Variants in TRDN observed in about 807,000 individuals in gnomAD.
The protein encoded by TRDN is triadin, also known as triadin in skeletal muscle.
In TRDN, 161 loss-of-function variants were observed where a neutral mutation model predicts 149.7. The ratio of observed to expected loss-of-function variants is 1.08; its 90% CI spans 0.95 to 1.23. The LOEUF (loss-of-function observed/expected upper bound fraction) is 1.23, where lower values mean the gene tolerates loss of function less well. Ranked by LOEUF, TRDN falls within the 50% of genes most tolerant of loss-of-function variation. The pLI is 0.00. For missense variants in TRDN, 896 were observed against 823.5 expected (o/e 1.09, Z -1.08); for synonymous variants, 294 against 250.5 (o/e 1.17, Z -1.64).
At chr6:123,323,777 G>A (rs1779344973) in intron 23 of TRDN, among the ~76,000 whole-genome samples, 1 of 152,162 alleles carries the variant, frequency 6.6e-6, no homozygotes, top group African/African-American at 2.4e-5. Context: ...TTTGTCTTTT[G>A]TATATGCTAA....
chr6:123,419,177 T>C (rs916707957), intron 12 of TRDN, among the ~76,000 whole-genome samples: 1 of 152,012 alleles, frequency 6.6e-6, no homozygotes, highest in Admixed American at 6.6e-5. Context: ...ATCCCCGCAC[T>C]GTTAACCCCC....
Position 123,503,485 on chromosome 6 carries a change from C to A in TRDN, c.793+234G>T, listed in dbSNP as rs534932328. The A allele has an allele frequency of 2.9e-4, 283 of 985,070 alleles. 1 individual carries two copies. In the African/African-American group the frequency reaches 4.4e-3, roughly 15 times the overall value. 61.0% of individuals were successfully genotyped at this position (985,070 alleles called of 1,614,324 possible). On this transcript the variant is annotated intron_variant, in intron 8 of 40. Transcript: ENST00000334268. ...GATTTCGGATGCTACCTCCAAACCCCTTTTAAAAATACTTCAAAATGCCCC... is the reference window on the plus strand; with the variant it reads ...GATTTCGGATGCTACCTCCAAACCCATTTTAAAAATACTTCAAAATGCCCC...
At chr6:123,524,636 A>G (rs1779856971) in intron 5 of TRDN, among the ~76,000 whole-genome samples, 1 of 152,116 alleles carries the variant, frequency 6.6e-6, no homozygotes, top group Non-Finnish European at 1.5e-5. Flanking sequence ...AACAAAAACA[A>G]AACAAAATTT....
At chr6:123,373,768 A>G (rs1395481297) in intron 19 of TRDN, among the ~76,000 whole-genome samples, 1 of 152,186 alleles carries the variant, frequency 6.6e-6, no homozygotes, top group Non-Finnish European at 1.5e-5. Flanking sequence ...TATCATTCTC[A>G]TTTGACCTCA....
chr6:123,344,467 G>A (rs1000212395), intron 21 of TRDN, among the ~76,000 whole-genome samples: 6 of 151,942 alleles, frequency 3.9e-5, no homozygotes, highest in African/African-American at 1.2e-4. Context: ...TAACCACTGA[G>A]TTTTTAACTT....
intron 24 of TRDN, among the ~76,000 whole-genome samples, chr6:123,291,433 C>T (rs1429966051): frequency 1.3e-5 from 2 of 151,778 alleles, no homozygotes; most frequent in South Asian, 2.1e-4. Flanking sequence ...GGAGTGGTGG[C>T]GGGCACCTGT....
At position 123,258,870 on chromosome 6, in the gene TRDN, G is replaced by C. The variant is rs181435697; in HGVS notation, c.1870+754C>G. ...CTTCTTCTGGTTCAGTCTTGGGAGG[G>C]TGTGTGTATCCAGAAATTTATCCAT... On this transcript the variant is annotated intron_variant, in intron 35 of 40. Transcript: ENST00000334268. Among the ~76,000 whole-genome samples the C allele has an allele frequency of 2.0e-5, 3 of 152,200 alleles. No homozygotes were observed. In the East Asian group the frequency reaches 5.8e-4, roughly 29 times the overall value.
chr6:123,346,640 C>A (rs1382230958), intron 21 of TRDN, among the ~76,000 whole-genome samples: 1 of 151,818 alleles, frequency 6.6e-6, no homozygotes. Flanking sequence ...AGTCCAGGAC[C>A]CCTAGAATCC....
chr6:123,319,079 C>G (rs1779144026), intron 23 of TRDN, among the ~76,000 whole-genome samples: 1 of 151,968 alleles, frequency 6.6e-6, no homozygotes, highest in Non-Finnish European at 1.5e-5. Context: ...CTTAAAACCT[C>G]AAGTCTTCAT....
At chr6:123,622,696 A>C (rs1785461500) in intron 1 of TRDN, among the ~76,000 whole-genome samples, 2 of 152,120 alleles carry the variant, frequency 1.3e-5, no homozygotes, top group Non-Finnish European at 2.9e-5. Flanking sequence ...ACAGTGTCCT[A>C]ATTCTTTTTA....
intron 23 of TRDN, 49 bp downstream of exon 23, chr6:123,331,830 A>G (rs1468407753): frequency 1.6e-6 from 2 of 1,248,900 alleles, no homozygotes; most frequent in Non-Finnish European, 2.2e-6. Context: ...ATAACTGAAT[A>G]TGCAAAAGGC....
intron 10 of TRDN, among the ~76,000 whole-genome samples, chr6:123,444,236 A>G (rs1775141114): frequency 2.2e-5 from 3 of 134,602 alleles, no homozygotes; most frequent in African/African-American, 9.2e-5. Flanking sequence ...GGTCCTTCAC[A>G]TCCCTTGTAA....
At chr6:123,223,376 C>A (rs1038463377) in intron 39 of TRDN, among the ~76,000 whole-genome samples, 1 of 151,734 alleles carries the variant, frequency 6.6e-6, no homozygotes, top group East Asian at 1.9e-4. Context: ...ATCTGTACAA[C>A]AAACCCCCAT....
chr6:123,377,557 C>T (rs1332070172), intron 18 of TRDN, among the ~76,000 whole-genome samples, 159 bp downstream of exon 18: 1 of 152,120 alleles, frequency 6.6e-6, no homozygotes, highest in Admixed American at 6.6e-5. Context: ...TCTAAAACTG[C>T]ATTGATGTTA....
intron 10 of TRDN, among the ~76,000 whole-genome samples, chr6:123,442,853 CA>C (rs1209333365): frequency 6.6e-6 from 1 of 151,940 alleles, no homozygotes; most frequent in Non-Finnish European, 1.5e-5. Flanking sequence ...TACCCATAAG[CA>C]AGACAGAAAC....
intron 23 of TRDN, among the ~76,000 whole-genome samples, chr6:123,319,914 T>C (rs1040978089): frequency 2.6e-5 from 4 of 152,016 alleles, no homozygotes; most frequent in Admixed American, 2.6e-4. Context: ...ATCAATAGTG[T>C]TTTCAAGTAG....
chr6:123,540,104 C>G (rs546303976), intron 4 of TRDN, among the ~76,000 whole-genome samples: 16 of 152,258 alleles, frequency 1.1e-4, no homozygotes, highest in Non-Finnish European at 2.1e-4. Flanking sequence ...ACTTTTTTCC[C>G]CATGCTAACC....
At chr6:123,456,810 C>T (rs1406932916) in intron 10 of TRDN, 2 of 455,806 alleles carry the variant, frequency 4.4e-6, no homozygotes, top group East Asian at 1.4e-4. Context: ...ATGTAAAATA[C>T]ACTTGGTCTT....
intron 19 of TRDN, among the ~76,000 whole-genome samples, chr6:123,372,014 C>A (rs1284001557): frequency 6.6e-6 from 1 of 152,084 alleles, no homozygotes; most frequent in Non-Finnish European, 1.5e-5. Context: ...CAAGACTGTT[C>A]TAACTGACTA....
Sources: gnomAD v4.1 joint callset for allele counts (sites outside exome capture counted in the v4.1 genomes callset) on GRCh38, gnomAD v4.1.1 for gene constraint, MANE v1.5 for transcripts, NCBI Gene and HGNC (gene_info 2026-07-23, HGNC 2026-07-21) for gene names.